The following TLK2 variants were observed in gnomAD, a reference collection of about 807,000 sequenced individuals.
TLK2 encodes tousled like kinase 2.
In TLK2, 6 loss-of-function variants were observed where a neutral mutation model predicts 117.3. The observed-to-expected ratio is 0.05, with a 90% confidence interval of 0.03 to 0.10. The LOEUF (loss-of-function observed/expected upper bound fraction) is 0.10, where lower values mean the gene tolerates loss of function less well. TLK2 is among the 10% of genes least tolerant of loss of function. The pLI, the probability that TLK2 is intolerant of heterozygous loss-of-function variation, is 1.00. For synonymous variants in TLK2, 257 were observed against 316.7 expected (o/e 0.81, Z 2.00); for missense variants, 299 against 901.2 (o/e 0.33, Z 8.56).
intron 16 of TLK2, among the ~76,000 whole-genome samples, chr17:62,591,217 C>A (rs1175017837): frequency 6.6e-6 from 1 of 152,042 alleles, no homozygotes; most frequent in Non-Finnish European, 1.5e-5. Flanking sequence ...CCACTGCACC[C>A]CAGCCTGGGC....
upstream of TLK2, among the ~76,000 whole-genome samples, chr17:62,475,308 C>T (rs1277764278): frequency 6.6e-6 from 1 of 151,786 alleles, no homozygotes; most frequent in African/African-American, 2.4e-5. Context: ...CCACAGATGC[C>T]CCACCTGTTC....
chr17:62,479,582 C>T (rs1275040692), intron 1 of TLK2, among the ~76,000 whole-genome samples: 1 of 152,104 alleles, frequency 6.6e-6, no homozygotes, highest in Non-Finnish European at 1.5e-5. Flanking sequence ...CCGGGCGCCC[C>T]CGAGAGCCGG....
In TLK2 at chr17:62,596,604, C is replaced by A. The variant is rs763883046; in HGVS notation, c.1480C>A (p.Arg494=). ...NYHKHACREY[R]IHKELDHPRI... ...TTACAGGCATGCATGTAGGGAATAC[C>A]GGATTCATAAAGAGCTGGATCATCC... Residue 494 remains arginine (R), a synonymous_variant, in exon 17 of 22, where the codon CGG becomes AGG. Transcript: ENST00000346027. 6.2e-6 allele frequency: 10 copies of A among 1,614,032 alleles called. No individual in the cohort carries two copies. Among genetic ancestry groups the A allele is most frequent in the South Asian group, 2.2e-5 (2 of 91,066 alleles).
chr17:62,586,143 T>C lies in TLK2; in HGVS notation c.1377T>C (p.Asp459=). ...GGFSEVYKAF[D]LTEQRYVAVK... ...ATTTATTCTCTTTATAGGCATTTGATCTAACAGAGCAAAGATACGTAGCTG... is the reference window on the plus strand; with the variant it reads ...ATTTATTCTCTTTATAGGCATTTGACCTAACAGAGCAAAGATACGTAGCTG... The change falls in exon 16 of 22, where the codon GAT becomes GAC. Residue 459 remains aspartate (D), a synonymous_variant. Transcript: ENST00000346027. 3.1e-6 allele frequency: 5 copies of C among 1,612,788 alleles called. No homozygotes were observed. Among genetic ancestry groups the C allele is most frequent in the Non-Finnish European group, 4.2e-6 (5 of 1,179,374 alleles).
intron 12 of TLK2, among the ~76,000 whole-genome samples, chr17:62,575,752 A>G (rs1045413339): frequency 4.0e-5 from 6 of 150,936 alleles, no homozygotes; most frequent in Non-Finnish European, 5.9e-5. Flanking sequence ...GCTGGAGTGC[A>G]GTGACATGAT....
At chr17:62,588,128 G>GTATATGTATAAAATATACGTATACATCTA (rs1219111538) in intron 16 of TLK2, among the ~76,000 whole-genome samples, 3 of 149,638 alleles carry the variant, frequency 2.0e-5, no homozygotes, top group African/African-American at 7.4e-5. Context: ...GTATACATCT[G>GTATATGTATAAAATATACGTATACATCTA]TATATGTATA....
At chr17:62,536,367 C>T (rs2077113952) in intron 7 of TLK2, 30 bp downstream of exon 7, 1 of 1,589,860 alleles carries the variant, frequency 6.3e-7, no homozygotes, top group Admixed American at 1.8e-5. Flanking sequence ...TAATTCATAT[C>T]CTTTCCATTG....
At chr17:62,569,496 C>T (rs1351581455) in intron 11 of TLK2, among the ~76,000 whole-genome samples, 17 of 127,540 alleles carry the variant, frequency 1.3e-4, no homozygotes, top group Admixed American at 1.8e-4. Context: ...AGTGCAGTGG[C>T]GTGATCTCGG....
intron 2 of TLK2, among the ~76,000 whole-genome samples, chr17:62,482,452 T>C (rs1264805867): frequency 7.7e-6 from 1 of 130,178 alleles, no homozygotes. Flanking sequence ...GATAGGGTTT[T>C]GTTTTTTTTT....
intron 15 of TLK2, among the ~76,000 whole-genome samples, chr17:62,580,395 G>A (rs981320713): frequency 6.6e-6 from 1 of 151,998 alleles, no homozygotes; most frequent in Non-Finnish European, 1.5e-5. Context: ...TTTCAAGTTT[G>A]AAAAATAAAT....
intron 11 of TLK2, among the ~76,000 whole-genome samples, chr17:62,570,450 A>C (rs537456326): frequency 2.4e-4 from 36 of 152,328 alleles, no homozygotes; most frequent in Admixed American, 6.5e-4. Context: ...CTGTTAATGC[A>C]TGCTGGGGGA....
chr17:62,579,482 T>G (rs756282619), intron 14 of TLK2, among the ~76,000 whole-genome samples: 2 of 152,146 alleles, frequency 1.3e-5, no homozygotes, highest in Non-Finnish European at 2.9e-5. Context: ...GTAAAGTAAT[T>G]TCAGAATTAA....
At chr17:62,507,502 A>C (rs1466735207) in intron 2 of TLK2, 1 of 152,164 alleles carries the variant, frequency 6.6e-6, no homozygotes, top group Non-Finnish European at 1.5e-5. Context: ...AGTTTTTTTA[A>C]ATGGCGTTAT....
chr17:62,534,182 G>T (rs747787627), intron 6 of TLK2, among the ~76,000 whole-genome samples: 10 of 151,954 alleles, frequency 6.6e-5, no homozygotes, highest in Admixed American at 3.9e-4. Context: ...GTGAACCTTA[G>T]AATTTATTGT....
chr17:62,579,306 A>G (rs184585130), intron 14 of TLK2, among the ~76,000 whole-genome samples: 1 of 152,274 alleles, frequency 6.6e-6, no homozygotes, highest in East Asian at 1.9e-4. Context: ...AGGATAACCC[A>G]GTCATCTTTA....
At chr17:62,552,179 C>T (rs1199168001) in intron 7 of TLK2, 123 bp from the exon 8 acceptor site, 33 of 851,902 alleles carry the variant, frequency 3.9e-5, no homozygotes, top group Admixed American at 5.3e-5. Context: ...CCTGACTTCT[C>T]ACTTTCATAA....
chr17:62,607,786 G>C (rs1315105414), intron 20 of TLK2, among the ~76,000 whole-genome samples: 1 of 152,142 alleles, frequency 6.6e-6, no homozygotes, highest in African/African-American at 2.4e-5. Context: ...CAGAGCATTA[G>C]GATATAGGAG....
chr17:62,606,038 T>C (rs939603393), intron 19 of TLK2, 92 bp from the exon 20 acceptor site: 52 of 532,150 alleles, frequency 9.8e-5, no homozygotes, highest in Non-Finnish European at 6.3e-5. Context: ...GATATTTCTA[T>C]TTTCAACAAG....
At chr17:62,490,649 C>G (rs1331976107) in intron 2 of TLK2, among the ~76,000 whole-genome samples, 1 of 152,182 alleles carries the variant, frequency 6.6e-6, no homozygotes, top group Non-Finnish European at 1.5e-5. Context: ...TCAAGCGATT[C>G]TCCTGCCTCA....
Sources: gnomAD v4.1 joint callset for allele counts (sites outside exome capture counted in the v4.1 genomes callset) on GRCh38, gnomAD v4.1.1 for gene constraint, MANE v1.5 for transcripts, NCBI Gene and HGNC (gene_info 2026-07-23, HGNC 2026-07-21) for gene names.